The following SERGEF variants were observed in gnomAD, a reference collection of about 807,000 sequenced individuals.
SERGEF encodes the protein secretion regulating guanine nucleotide exchange factor.
A neutral mutation model predicts 50.0 loss-of-function variants in SERGEF; 51 were observed. The observed-to-expected ratio is 1.02, with a 90% CI of 0.81 to 1.29. SERGEF has a LOEUF of 1.29. SERGEF is among the 50% of genes most tolerant of loss of function. The pLI is 0.00. For missense variants in SERGEF, 521 were observed against 557.0 expected (o/e 0.94, Z 0.65); for synonymous variants, 205 against 212.4 (o/e 0.97, Z 0.30).
At chr11:18,004,259 T>A (rs1854026388) in intron 4 of SERGEF, among the ~76,000 whole-genome samples, 182 bp downstream of exon 4, 1 of 152,246 alleles carries the variant, frequency 6.6e-6, no homozygotes, top group African/African-American at 2.4e-5. Context: ...AACAGAGGTT[T>A]TCATTCACAA....
rs1854228255 is a variant in SERGEF at position 18,012,879 on chromosome 11, C to G, written c.60+72G>C. ...AGCCGCCCAGCCCCTGAACTGCCCA[C>G]GCCGCGGCCAGCAGCTCCCACATCT... is the stretch of plus-strand genomic sequence containing the variant. On this transcript the variant is annotated intron_variant, in intron 1 of 10. Transcript: ENST00000265965. The G allele has an allele frequency of 2.0e-6, 3 of 1,529,086 alleles. No individual in the cohort carries two copies. The African/African-American group carries it at 4.1e-5, about 21-fold the overall frequency. The allele number at this position is 1,529,086 out of a possible 1,614,324, so 94.7% of individuals were successfully genotyped here. A position where few individuals can be genotyped will look rare whatever the true frequency, so the allele number is the denominator to read the frequency against.
chr11:17,861,747 C>A (rs1341926015), intron 10 of SERGEF, among the ~76,000 whole-genome samples: 8 of 152,248 alleles, frequency 5.3e-5, no homozygotes, highest in Non-Finnish European at 1.2e-4. Flanking sequence ...GAGTTGCCAA[C>A]TAGAATGGGG....
intron 10 of SERGEF, among the ~76,000 whole-genome samples, chr11:17,864,928 A>G (rs1850994055): frequency 6.6e-6 from 1 of 152,246 alleles, no homozygotes; most frequent in Non-Finnish European, 1.5e-5. Flanking sequence ...TTCAATAAAC[A>G]GTTTTGAGAT....
rs1346498530 is a variant in SERGEF, at chr11:17,988,632, A to G, written c.809T>C (p.Ile270Thr). 1 of 1,613,986 alleles carries G rather than the reference A, an allele frequency of 6.2e-7. No individual in the cohort carries two copies. The highest frequency in any genetic ancestry group is 8.5e-7 in the Non-Finnish European group (1 of 1,180,020). Residue 270 changes from isoleucine to threonine, a missense_variant, in exon 8 of 11, where the codon ATC becomes ACC. Ile to Thr is a moderately conservative substitution (Grantham distance 89, BLOSUM62 -1). Coordinates refer to ENST00000265965, the MANE Select transcript of SERGEF (RefSeq NM_012139.4). ...AACCAGGTGTGTCCATCCACTCCAGATGGCAGTGACCTTTTCATTCTGGAA... is the reference window on the plus strand; with the variant it reads ...AACCAGGTGTGTCCATCCACTCCAGGTGGCAGTGACCTTTTCATTCTGGAA... Reference protein sequence around the residue: ...HCFQNEKVTAIWSGWTHLVAQ... With the variant: ...HCFQNEKVTATWSGWTHLVAQ...
At chr11:17,873,840 C>T (rs1288186489) in intron 10 of SERGEF, among the ~76,000 whole-genome samples, 1 of 152,186 alleles carries the variant, frequency 6.6e-6, no homozygotes, top group East Asian at 1.9e-4. Flanking sequence ...TCTTTTTTCT[C>T]CGCAGGAAGG....
intron 9 of SERGEF, 71 bp downstream of exon 9, chr11:17,959,399 G>T: frequency 7.2e-7 from 1 of 1,384,336 alleles, no homozygotes. Flanking sequence ...CACACAGTAG[G>T]CCCTCAGTAA....
At chr11:17,996,323 G>C (rs1323705261) in intron 5 of SERGEF, among the ~76,000 whole-genome samples, 1 of 152,174 alleles carries the variant, frequency 6.6e-6, no homozygotes, top group African/African-American at 2.4e-5. Context: ...GCCCTGAAGA[G>C]AGGATGCGAT....
chr11:18,001,856 A>G (rs1438591973), intron 4 of SERGEF: 1 of 380,672 alleles, frequency 2.6e-6, no homozygotes, highest in East Asian at 7.3e-5. Context: ...TCATAACCCC[A>G]TTAAGGCTTA....
Position 17,995,782 on chromosome 11 carries a change from AAG to A in SERGEF, c.622+12_622+13del. On this transcript the variant is annotated intron_variant, in intron 6 of 10. Transcript: ENST00000265965. ...CAAAGAACAAATATAGGACTAAAGA[AAG>A]AAGCATCTTACCTGTCACTCTGCTT... 2 of 1,543,402 alleles carry A rather than the reference AAG, an allele frequency of 1.3e-6. No individual in the cohort carries two copies. Among genetic ancestry groups the A allele is most frequent in the Non-Finnish European group, 1.8e-6 (2 of 1,116,530 alleles).
intron 10 of SERGEF, among the ~76,000 whole-genome samples, chr11:17,827,612 C>A (rs1850220549): frequency 6.6e-6 from 1 of 152,232 alleles, no homozygotes; most frequent in Non-Finnish European, 1.5e-5. Flanking sequence ...AATCCCTCGG[C>A]ATCACCTCCT....
At chr11:17,961,427 T>G (rs1007359831) in intron 8 of SERGEF, among the ~76,000 whole-genome samples, 2 of 152,188 alleles carry the variant, frequency 1.3e-5, no homozygotes, top group Non-Finnish European at 2.9e-5. Context: ...AGACTGTTGC[T>G]GCTTAAATGA....
At chr11:17,885,115 C>G (rs571167975) in intron 9 of SERGEF, among the ~76,000 whole-genome samples, 1 of 152,320 alleles carries the variant, frequency 6.6e-6, no homozygotes, top group Non-Finnish European at 1.5e-5. Flanking sequence ...CTCAAACTCT[C>G]AAGTGACAGT....
chr11:17,843,235 T>C (rs1850538440), intron 10 of SERGEF, among the ~76,000 whole-genome samples: 1 of 152,272 alleles, frequency 6.6e-6, no homozygotes, highest in South Asian at 2.1e-4. Flanking sequence ...TGAACTATAT[T>C]GTCATCCTCT....
At chr11:17,864,318 C>T (rs1029943505) in intron 10 of SERGEF, among the ~76,000 whole-genome samples, 1 of 152,194 alleles carries the variant, frequency 6.6e-6, no homozygotes, top group Non-Finnish European at 1.5e-5. Flanking sequence ...GCCTCCTCAA[C>T]AGCCTGGCAC....
chr11:17,991,528 C>T lies in SERGEF; in HGVS notation c.685+1403G>A, dbSNP rs1174778823. Among the ~76,000 whole-genome samples, 14 of 152,140 alleles carry T rather than the reference C, an allele frequency of 9.2e-5. No individual in the cohort carries two copies. The highest frequency in any genetic ancestry group is 1.9e-4 in the Non-Finnish European group (13 of 68,020). On this transcript the variant is annotated intron_variant, in intron 7 of 10. Transcript: ENST00000265965. This position sits in a 1 kb window ranked among gnomAD's most constrained non-coding sequence, Gnocchi z 4.9. ...ACTTCTCACCCTAAGGTCTCTAGTC[C>T]TTCTTCTGTAAAAGGAAGGGAGGAA...
intron 10 of SERGEF, among the ~76,000 whole-genome samples, chr11:17,791,414 A>T (rs567240125): frequency 6.6e-5 from 10 of 152,190 alleles, no homozygotes; most frequent in Non-Finnish European, 1.5e-4. Context: ...TCTCTGTCTT[A>T]CTCTAGGACT....
At chr11:17,816,702 G>A (rs1849981327) in intron 10 of SERGEF, among the ~76,000 whole-genome samples, 1 of 152,192 alleles carries the variant, frequency 6.6e-6, no homozygotes, top group African/African-American at 2.4e-5. Context: ...GGCGATCCTT[G>A]TCTTGGTATC....
intron 6 of SERGEF, among the ~76,000 whole-genome samples, chr11:17,993,358 T>C (rs976622297): frequency 7.2e-5 from 11 of 152,158 alleles, no homozygotes; most frequent in African/African-American, 2.4e-4. Flanking sequence ...TAGACATAGG[T>C]GTGTGTATGT....
chr11:17,855,168 G>A (rs1456142359), intron 10 of SERGEF: 1 of 152,068 alleles, frequency 6.6e-6, no homozygotes, highest in East Asian at 1.9e-4. Context: ...AACCATACTT[G>A]TACTTGTTAC....
Sources: allele counts gnomAD v4.1 joint callset (sites outside exome capture counted in the v4.1 genomes callset), GRCh38; gene constraint gnomAD v4.1.1; non-coding constraint Gnocchi (gnomAD v3.1); transcripts MANE v1.5; gene names NCBI Gene and HGNC (gene_info 2026-07-23, HGNC 2026-07-21).